Variants in FAM171A1 observed in about 807,000 individuals in gnomAD.
FAM171A1 encodes protein FAM171A1.
Under a neutral mutation model 74.9 loss-of-function variants are expected in FAM171A1, and 23 were observed. The ratio of observed to expected loss-of-function variants is 0.31; its 90% confidence interval spans 0.22 to 0.44. FAM171A1 has a LOEUF of 0.44. Among genes scored for constraint, FAM171A1 ranks in the 20% least tolerant of loss-of-function variants. The pLI is 1.00. For synonymous variants in FAM171A1, 527 were observed against 505.7 expected, an observed-to-expected ratio of 1.04 and a Z score of -0.57; for missense variants, 1,162 against 1,159.2, an observed-to-expected ratio of 1.00 and a Z score of -0.03.
chr10:15,372,698 CAAA>C (rs59712649), upstream of FAM171A1, among the ~76,000 whole-genome samples: 3 of 88,730 alleles, frequency 3.4e-5, no homozygotes, highest in Admixed American at 1.4e-4. Flanking sequence ...GACCCCGTCT[CAAA>C]AAAAAAAAAA....
Position 15,212,841 on chromosome 10 carries a change from G to C in FAM171A1, c.*74C>G, listed in dbSNP as rs535909092. 25 of 1,562,620 alleles carry C rather than the reference G, an allele frequency of 1.6e-5. No homozygotes were observed. In the East Asian group the frequency reaches 4.9e-4, roughly 31 times the overall value. On this transcript the variant is annotated 3_prime_UTR_variant, in exon 8 of 8. Coordinates refer to ENST00000378116, the MANE Select transcript of FAM171A1 (RefSeq NM_001010924.2). Reference sequence around the variant, plus strand: ...TGGGCTGCCGTTCCGTTTCCTCCACGAACGGGTACGCGCTTCCATGAGAAA... The same window carrying C: ...TGGGCTGCCGTTCCGTTTCCTCCACCAACGGGTACGCGCTTCCATGAGAAA...
At chr10:15,265,230 T>G (rs1834723087) in intron 3 of FAM171A1, among the ~76,000 whole-genome samples, 1 of 152,022 alleles carries the variant, frequency 6.6e-6, no homozygotes, top group Non-Finnish European at 1.5e-5. Context: ...GAGAAAGAGC[T>G]GCTCAAGTAC....
chr10:15,355,650 G>A (rs1225959559), intron 1 of FAM171A1, among the ~76,000 whole-genome samples: 1 of 152,088 alleles, frequency 6.6e-6, no homozygotes, highest in Non-Finnish European at 1.5e-5. Context: ...AGGAAGTGGA[G>A]GTTGCAGTGA....
chr10:15,274,641 C>T (rs992556450), intron 3 of FAM171A1, among the ~76,000 whole-genome samples: 5 of 152,158 alleles, frequency 3.3e-5, no homozygotes, highest in South Asian at 4.1e-4. Context: ...AACTATACTA[C>T]AAGGTTACAG....
chr10:15,231,767 T>C (rs557101712), intron 5 of FAM171A1, among the ~76,000 whole-genome samples: 1 of 152,296 alleles, frequency 6.6e-6, no homozygotes, highest in Non-Finnish European at 1.5e-5. Context: ...TGTCAGACTA[T>C]AGGCCAGGAG....
At chr10:15,317,121 A>C (rs1835431648) in intron 1 of FAM171A1, among the ~76,000 whole-genome samples, 1 of 152,096 alleles carries the variant, frequency 6.6e-6, no homozygotes, top group South Asian at 2.1e-4. Flanking sequence ...TCACGGAAAC[A>C]GGACACAGGG....
At chr10:15,304,182 T>A (rs141229151) in intron 1 of FAM171A1, among the ~76,000 whole-genome samples, 2 of 152,332 alleles carry the variant, frequency 1.3e-5, no homozygotes, top group East Asian at 3.9e-4. Context: ...CATTCAAGGT[T>A]ATGTAGCTAC....
chr10:15,279,214 T>C (rs1254544658), intron 2 of FAM171A1, among the ~76,000 whole-genome samples: 1 of 152,224 alleles, frequency 6.6e-6, no homozygotes, highest in Non-Finnish European at 1.5e-5. Flanking sequence ...ATTTGGTACT[T>C]TCATATATAA....
chr10:15,355,338 G>A (rs886512384), intron 1 of FAM171A1, among the ~76,000 whole-genome samples: 2 of 152,134 alleles, frequency 1.3e-5, no homozygotes, highest in African/African-American at 2.4e-5. Context: ...GCCTCCCAAG[G>A]TATTGGGACT....
Position 15,213,735 on chromosome 10 carries a change from A to G in FAM171A1, c.1853T>C (p.Leu618Pro), listed in dbSNP as rs1328422696. The G allele has an allele frequency of 1.2e-6, 2 of 1,613,488 alleles. No homozygotes were observed. Among genetic ancestry groups the G allele is most frequent in the Non-Finnish European group, 1.7e-6 (2 of 1,179,532 alleles). Residue 618 changes from leucine to proline, a missense_variant, in exon 8 of 8, where the codon CTG becomes CCG. Coordinates refer to ENST00000378116, the MANE Select transcript of FAM171A1 (RefSeq NM_001010924.2). This position sits in a 1 kb window ranked among gnomAD's most constrained non-coding sequence, Gnocchi z 6.8. Reference protein sequence around the residue: ...QLEIERLQAELSNPHAGIFPH... With the variant: ...QLEIERLQAEPSNPHAGIFPH... ...GAAGATCCCGGCATGGGGATTGGAC[A>G]GCTCAGCCTGTAGTCTTTCTATCTC... is the stretch of plus-strand genomic sequence containing the variant.
rs777872046 is a variant in FAM171A1, at chr10:15,369,079, A to C, written c.97+1877T>G. 2.0e-5 allele frequency among the ~76,000 whole-genome samples: 3 copies of C among 152,264 alleles called. No homozygotes were observed. The South Asian group carries it at 6.2e-4, about 32-fold the overall frequency. ...ACCCTAAACTAAGCCACTGCTAGCC[A>C]TGGCAGAAACCTCTTCTCATGTTGA... On this transcript the variant is annotated intron_variant, in intron 1 of 7. Coordinates refer to ENST00000378116, the MANE Select transcript of FAM171A1 (RefSeq NM_001010924.2).
At chr10:15,292,692 C>T (rs894391579) in intron 1 of FAM171A1, among the ~76,000 whole-genome samples, 1 of 152,004 alleles carries the variant, frequency 6.6e-6, no homozygotes, top group South Asian at 2.1e-4. Context: ...TGCCACATTG[C>T]CCGGGCTGGT....
intron 1 of FAM171A1, among the ~76,000 whole-genome samples, chr10:15,323,029 A>G (rs575015923): frequency 6.6e-6 from 1 of 151,570 alleles, no homozygotes; most frequent in Non-Finnish European, 1.5e-5. Flanking sequence ...AATCCCAGCT[A>G]CTAGGGAGGC....
At chr10:15,239,327 A>G (rs933827006) in intron 5 of FAM171A1, among the ~76,000 whole-genome samples, 9 of 151,290 alleles carry the variant, frequency 5.9e-5, no homozygotes, top group African/African-American at 1.9e-4. Flanking sequence ...TTTTTTTGAG[A>G]CAGTCTCACT....
chr10:15,266,866 CAAAAAAAAA>C (rs1156974565), intron 3 of FAM171A1, among the ~76,000 whole-genome samples: 2 of 55,244 alleles, frequency 3.6e-5, no homozygotes, highest in African/African-American at 6.6e-5. Flanking sequence ...GAGACTGTTT[CAAAAAAAAA>C]AAAAAAAAAA....
chr10:15,367,066 GCGGGCAC>G (rs1018274204), intron 1 of FAM171A1, among the ~76,000 whole-genome samples: 3 of 152,110 alleles, frequency 2.0e-5, no homozygotes, highest in African/African-American at 4.8e-5. Flanking sequence ...AGGCGTGGTG[GCGGGCAC>G]CTGTAGTCCC....
chr10:15,356,180 T>C (rs540725798), intron 1 of FAM171A1, among the ~76,000 whole-genome samples: 5 of 151,504 alleles, frequency 3.3e-5, no homozygotes, highest in East Asian at 1.9e-4. Flanking sequence ...GAATGTGCTA[T>C]ATTTTAAAAA....
intron 1 of FAM171A1, among the ~76,000 whole-genome samples, chr10:15,354,116 T>A (rs549729698): frequency 6.6e-6 from 1 of 152,180 alleles, no homozygotes; most frequent in South Asian, 2.1e-4. Flanking sequence ...TGCAACCAAG[T>A]CACATCTGGT....
intron 3 of FAM171A1, among the ~76,000 whole-genome samples, chr10:15,270,598 C>T (rs1216797470): frequency 6.6e-6 from 1 of 152,192 alleles, no homozygotes. Context: ...TCCCTGACCC[C>T]CGAGTAGCCT....
Sources: gnomAD v4.1 joint callset for allele counts (sites outside exome capture counted in the v4.1 genomes callset) on GRCh38, gnomAD v4.1.1 for gene constraint, Gnocchi (gnomAD v3.1) non-coding constraint, MANE v1.5 for transcripts, NCBI Gene and HGNC (gene_info 2026-07-23, HGNC 2026-07-21) for gene names.